The following CALN1 variants were observed in gnomAD, a reference collection of about 807,000 sequenced individuals.
CALN1 encodes calneuron 1.
In CALN1, 17 loss-of-function variants were observed where a neutral mutation model predicts 30.6. The ratio of observed to expected loss-of-function variants is 0.56; its 90% CI spans 0.38 to 0.83. The LOEUF is 0.83. Among genes scored for constraint, CALN1 ranks in the 40% least tolerant of loss-of-function variants. CALN1 has a pLI of 0.00. For missense variants in CALN1, 291 were observed against 354.9 expected (o/e 0.82, Z 1.45); for synonymous variants, 156 against 131.4 (o/e 1.19, Z -1.28).
intron 4 of CALN1, among the ~76,000 whole-genome samples, chr7:72,042,874 T>C (rs1802218590): frequency 6.6e-6 from 1 of 152,108 alleles, no homozygotes; most frequent in African/African-American, 2.4e-5. Flanking sequence ...ACTCCAATTC[T>C]CCAGAAACCA....
the CALN1 span, among the ~76,000 whole-genome samples, chr7:72,482,391 T>C: frequency 4.6e-5 from 7 of 152,160 alleles, no homozygotes; most frequent in African/African-American, 1.4e-4. Context: ...TCTAAGCCTA[T>C]CATGATAATA....
intron 5 of CALN1, among the ~76,000 whole-genome samples, chr7:71,954,251 A>G (rs1796847183): frequency 1.3e-5 from 2 of 152,020 alleles, no homozygotes; most frequent in Non-Finnish European, 2.9e-5. Flanking sequence ...TGAGGTCAGG[A>G]GTTCAAGACC....
intron 5 of CALN1, among the ~76,000 whole-genome samples, chr7:72,000,229 T>C (rs1225320064): frequency 6.6e-6 from 1 of 151,384 alleles, no homozygotes; most frequent in Non-Finnish European, 1.5e-5. Flanking sequence ...GAAAAATCAT[T>C]GAAACAAAAG....
chr7:71,791,937 G>T (rs1786586963), intron 6 of CALN1, among the ~76,000 whole-genome samples: 1 of 152,090 alleles, frequency 6.6e-6, no homozygotes, highest in East Asian at 1.9e-4. Flanking sequence ...TGTGAACCCG[G>T]GAGGCAGAGC....
intron 2 of CALN1, among the ~76,000 whole-genome samples, chr7:72,381,541 G>A (rs976337959): frequency 1.3e-5 from 2 of 152,194 alleles, no homozygotes; most frequent in Non-Finnish European, 2.9e-5. Flanking sequence ...GGGCATATGA[G>A]TCCTTCGCAG....
intron 2 of CALN1, among the ~76,000 whole-genome samples, chr7:72,385,193 G>A (rs369788956): frequency 2.0e-5 from 3 of 152,338 alleles, no homozygotes; most frequent in East Asian, 3.9e-4. Flanking sequence ...CTTTCTTGAT[G>A]ATGGGAATAT....
intron 1 of CALN1, among the ~76,000 whole-genome samples, chr7:72,442,234 C>T (rs1326185334): frequency 6.6e-6 from 1 of 152,196 alleles, no homozygotes; most frequent in Non-Finnish European, 1.5e-5. Flanking sequence ...CCACCTTGCC[C>T]ACCCACAATC....
chr7:72,228,745 ATTTATT>A (rs1793865203), intron 3 of CALN1, among the ~76,000 whole-genome samples: 449 of 17,096 alleles, frequency 0.026, 3 homozygotes, highest in African/African-American at 0.089. Flanking sequence ...TTATATATTT[ATTTATT>A]TATTTATTTA....
At chr7:72,300,484 A>G (rs375896749) in intron 2 of CALN1, among the ~76,000 whole-genome samples, 9 of 152,344 alleles carry the variant, frequency 5.9e-5, no homozygotes, top group East Asian at 5.8e-4. Flanking sequence ...AAGTGCATTC[A>G]TATCAGAGTA....
At chr7:72,128,259 T>C (rs1808904904) in intron 3 of CALN1, among the ~76,000 whole-genome samples, 2 of 151,866 alleles carry the variant, frequency 1.3e-5, no homozygotes, top group African/African-American at 2.4e-5. Flanking sequence ...AGCTGAAAAA[T>C]AGTAGAAAGA....
In CALN1 at chr7:72,274,503, C is replaced by CA. The variant is rs397889197; in HGVS notation, c.244+4182dup. On this transcript the variant is annotated intron_variant, in intron 3 of 6. Transcript: ENST00000395275. ...AGCCTCGGTGAGAGTGAGACTGTCT[C>CA]AAAAAAAAAAAAAAAAAGATAGTAT... Among the ~76,000 whole-genome samples, 800 of 101,120 alleles carry CA rather than the reference C, an allele frequency of 7.9e-3. 19 individuals carry two copies. The East Asian group carries it at 0.11, about 14-fold the overall frequency. 66.3% of individuals were successfully genotyped at this position (101,120 alleles called of 152,430 possible).
At chr7:72,283,392 G>T (rs1019664011) in intron 2 of CALN1, among the ~76,000 whole-genome samples, 1 of 151,902 alleles carries the variant, frequency 6.6e-6, no homozygotes, top group African/African-American at 2.4e-5. Context: ...AAATTTAGCT[G>T]GGCATGGTGG....
At chr7:72,393,479 C>CA (rs1179119649) in intron 2 of CALN1, among the ~76,000 whole-genome samples, 5 of 152,032 alleles carry the variant, frequency 3.3e-5, no homozygotes, top group Admixed American at 2.0e-4. Flanking sequence ...ACAAAACAAA[C>CA]AAAAAAACTA....
At position 71,898,677 on chromosome 7, in the gene CALN1, T is replaced by G. The variant is rs372777774; in HGVS notation, c.502-88185A>C. 3.9e-5 allele frequency among the ~76,000 whole-genome samples: 6 copies of G among 152,196 alleles called. No homozygotes were observed. The East Asian group carries it at 1.2e-3, about 29-fold the overall frequency. On this transcript the variant is annotated intron_variant, in intron 5 of 6. Transcript: ENST00000395275. ...ATGAAATCCACAACTGGACACGTCA[T>G]AGTAAAACTTGAAAAATGCAAAGAC... is the stretch of plus-strand genomic sequence containing the variant.
intron 4 of CALN1, among the ~76,000 whole-genome samples, chr7:72,067,715 T>G (rs928319639): frequency 1.3e-5 from 2 of 152,226 alleles, no homozygotes; most frequent in Non-Finnish European, 2.9e-5. Flanking sequence ...TCCAGTGAGC[T>G]GACTGCTGAT....
chr7:71,894,605 A>G (rs1793436678), intron 5 of CALN1, among the ~76,000 whole-genome samples: 1 of 152,198 alleles, frequency 6.6e-6, no homozygotes, highest in Non-Finnish European at 1.5e-5. Context: ...TTAAGTTTTT[A>G]TTCTGTATTC....
At chr7:71,948,871 G>A (rs533871252) in intron 5 of CALN1, among the ~76,000 whole-genome samples, 2 of 151,292 alleles carry the variant, frequency 1.3e-5, no homozygotes, top group East Asian at 3.9e-4. Context: ...GTGAGACCCT[G>A]TCTTTACAAA....
At chr7:71,819,485 T>C (rs541594825) in intron 5 of CALN1, among the ~76,000 whole-genome samples, 37 of 152,340 alleles carry the variant, frequency 2.4e-4, no homozygotes, top group Middle Eastern at 3.4e-3. Flanking sequence ...ATTGCAGGCA[T>C]GAGCCACCGT....
At chr7:72,407,512 A>G (rs900269403) in intron 1 of CALN1, among the ~76,000 whole-genome samples, 1 of 152,180 alleles carries the variant, frequency 6.6e-6, no homozygotes, top group Non-Finnish European at 1.5e-5. Context: ...GTGTGCAAAC[A>G]ACTTTGCTGC....
Sources: gnomAD v4.1 joint callset for allele counts (sites outside exome capture counted in the v4.1 genomes callset) on GRCh38, gnomAD v4.1.1 for gene constraint, MANE v1.5 for transcripts, NCBI Gene and HGNC (gene_info 2026-07-23, HGNC 2026-07-21) for gene names.